CLIP1: variants seen among roughly 807,000 people sequenced by gnomAD.
The protein encoded by CLIP1 is CAP-Gly domain containing linker protein 1, also known as CAP-Gly domain-containing linker protein 1.
In CLIP1, 66 loss-of-function variants were observed where a neutral mutation model predicts 161.6. The observed-to-expected ratio is 0.41, with a 90% CI of 0.33 to 0.50. CLIP1 has a LOEUF of 0.50. Among genes scored for constraint, CLIP1 ranks in the 20% least tolerant of loss-of-function variants. The pLI, the probability that CLIP1 is intolerant of heterozygous loss-of-function variation, is 0.27. For synonymous variants in CLIP1, 598 were observed against 626.2 expected, an observed-to-expected ratio of 0.96 and a Z score of 0.67; for missense variants, 1,376 against 1,702.0, an observed-to-expected ratio of 0.81 and a Z score of 3.37.
intron 1 of CLIP1, among the ~76,000 whole-genome samples, chr12:122,408,277 G>C (rs1956403074): frequency 6.6e-6 from 1 of 150,762 alleles, no homozygotes. Context: ...AAATGAGCAA[G>C]TTTAATAGTT....
chr12:122,278,818 TTTTC>T lies in CLIP1; in HGVS notation c.3886_3889del (p.Glu1296ThrfsTer30). The T allele has an allele frequency of 6.2e-7, 1 of 1,606,624 alleles. No homozygotes were observed. The highest frequency in any genetic ancestry group is 8.5e-7 in the Non-Finnish European group (1 of 1,177,120). On this transcript the variant is annotated frameshift_variant, in exon 23 of 26. Coordinates refer to ENST00000620786, the MANE Select transcript of CLIP1 (RefSeq NM_001247997.2). LOFTEE classifies it high-confidence loss of function. ...TGAGGAGCTGCTGAGCTGCCTCTTGTTTTCTTTGAGTTGAAGCTCCAAGTTCTTT... is the reference window on the plus strand; with the variant it reads ...TGAGGAGCTGCTGAGCTGCCTCTTGTTTTGAGTTGAAGCTCCAAGTTCTTT...
chr12:122,365,352 T>C, intron 3 of CLIP1: 1 of 976,744 alleles, frequency 1.0e-6, no homozygotes, highest in Non-Finnish European at 1.6e-6. Context: ...AAGTCTACAA[T>C]GTTACCCAGC....
At chr12:122,377,367 C>T in intron 3 of CLIP1, 22 bp downstream of exon 3, 1 of 1,592,068 alleles carries the variant, frequency 6.3e-7, no homozygotes, top group Non-Finnish European at 8.6e-7. Context: ...ATGAAATGAC[C>T]TCAGAATGTT....
intron 20 of CLIP1, among the ~76,000 whole-genome samples, chr12:122,302,528 T>C (rs1950723618): frequency 6.6e-6 from 1 of 152,224 alleles, no homozygotes; most frequent in African/African-American, 2.4e-5. Context: ...CTCTCTTTTC[T>C]TTTTGCGGAT....
chr12:122,394,598 A>T (rs2137011334), intron 1 of CLIP1, among the ~76,000 whole-genome samples: 1 of 151,962 alleles, frequency 6.6e-6, no homozygotes, highest in East Asian at 1.9e-4. Flanking sequence ...TAAAGGGACA[A>T]TCCTTTAGGC....
At position 122,322,281 on chromosome 12, in the gene CLIP1, C is replaced by T. The variant is rs1215326908; in HGVS notation, c.3250-2933G>A. ...TTCTGAAGGATGAAGTAGCTTTCTG[C>T]CAGGGTTTCCTTCTCCTTCAGGAGC... On this transcript the variant is annotated intron_variant, in intron 17 of 25. Transcript: ENST00000620786. The T allele has an allele frequency of 2.0e-5, 3 of 152,592 alleles. No homozygotes were observed. The East Asian group carries it at 5.8e-4, about 29-fold the overall frequency. 9.5% of individuals were successfully genotyped at this position (152,592 alleles called of 1,614,324 possible).
intron 10 of CLIP1, chr12:122,342,020 G>A (rs531051672): frequency 1.7e-4 from 29 of 168,440 alleles, no homozygotes; most frequent in Non-Finnish European, 2.9e-4. Flanking sequence ...CTGACCTCAG[G>A]TGATCCACTC....
At chr12:122,306,593 A>AG (rs1950883664) in intron 20 of CLIP1, among the ~76,000 whole-genome samples, 1 of 152,168 alleles carries the variant, frequency 6.6e-6, no homozygotes, top group East Asian at 1.9e-4. Context: ...CTGACCACAA[A>AG]GGGGCAGCAG....
At chr12:122,362,973 T>C (rs1953945223) in intron 4 of CLIP1, among the ~76,000 whole-genome samples, 1 of 152,172 alleles carries the variant, frequency 6.6e-6, no homozygotes, top group Admixed American at 6.5e-5. Flanking sequence ...ATCTGGTAGA[T>C]AAAGCCCTTT....
At chr12:122,386,750 A>C (rs115757593) in intron 1 of CLIP1, among the ~76,000 whole-genome samples, 2,040 of 151,940 alleles carry the variant, frequency 0.013, 48 homozygotes, top group African/African-American at 0.041. Flanking sequence ...CTGTAATCCC[A>C]AGACTTTGAG....
chr12:122,282,306 C>T (rs779281196), intron 21 of CLIP1, among the ~76,000 whole-genome samples: 57 of 152,124 alleles, frequency 3.7e-4, no homozygotes, highest in Non-Finnish European at 7.4e-4. Flanking sequence ...ACATTACTGA[C>T]GTCTGAGTCA....
rs3782154 is a variant in CLIP1, at chr12:122,311,997, C to G, written c.3474-2115G>C. Among the ~76,000 whole-genome samples the G allele has an allele frequency of 0.53, 80,515 of 151,988 alleles. 24,291 individuals are homozygous for G. The highest frequency in any genetic ancestry group is 0.67 in the Non-Finnish European group (45,485 of 67,984). On this transcript the variant is annotated intron_variant, in intron 19 of 25. Transcript: ENST00000620786. The surrounding 1 kb of genome is among the most constrained non-coding windows in gnomAD (Gnocchi z 4.3). ...GAATCCATTTCATAGAGGAAAGAGGCTCCAATAACCCAAATTCTGGAAATA... is the reference window on the plus strand; with the variant it reads ...GAATCCATTTCATAGAGGAAAGAGGGTCCAATAACCCAAATTCTGGAAATA...
At chr12:122,320,241 T>TA (rs1951438153) in intron 17 of CLIP1, among the ~76,000 whole-genome samples, 1 of 144,614 alleles carries the variant, frequency 6.9e-6, no homozygotes, top group African/African-American at 2.6e-5. Flanking sequence ...CACTCCAGCC[T>TA]GGCGACACAG....
At chr12:122,318,544 C>CAACAA (rs1566109983) in intron 18 of CLIP1, among the ~76,000 whole-genome samples, 1 of 152,150 alleles carries the variant, frequency 6.6e-6, no homozygotes, top group African/African-American at 2.4e-5. Context: ...AAAACAACAA[C>CAACAA]AACAAAACAA....
intron 20 of CLIP1, among the ~76,000 whole-genome samples, chr12:122,294,172 C>CA (rs1294705953): frequency 4.0e-5 from 6 of 150,376 alleles, no homozygotes; most frequent in African/African-American, 7.3e-5. Context: ...ACTAAAAATA[C>CA]AAAAAAATTA....
At chr12:122,284,508 G>A (rs539699673) in intron 21 of CLIP1, among the ~76,000 whole-genome samples, 53 of 151,596 alleles carry the variant, frequency 3.5e-4, no homozygotes, top group Non-Finnish European at 5.5e-4. Flanking sequence ...GCCCGCCACC[G>A]TGCCCGGCTA....
chr12:122,360,924 G>T, intron 5 of CLIP1, 35 bp downstream of exon 5: 1 of 1,548,690 alleles, frequency 6.5e-7, no homozygotes, highest in African/African-American at 1.4e-5. Flanking sequence ...ATCCTGCCTG[G>T]GAAGTGGAGG....
At chr12:122,351,752 TC>T (rs949518027) in intron 8 of CLIP1, among the ~76,000 whole-genome samples, 13 of 152,328 alleles carry the variant, frequency 8.5e-5, no homozygotes, top group African/African-American at 3.1e-4. Context: ...TTTACATTTG[TC>T]ATATATCTAG....
intron 20 of CLIP1, among the ~76,000 whole-genome samples, chr12:122,302,743 G>A (rs967705129): frequency 1.3e-5 from 2 of 151,632 alleles, no homozygotes; most frequent in African/African-American, 2.4e-5. Context: ...ATTACAGGCA[G>A]GCACCACCAC....
Sources: allele counts gnomAD v4.1 joint callset (sites outside exome capture counted in the v4.1 genomes callset), GRCh38; gene constraint gnomAD v4.1.1; non-coding constraint Gnocchi (gnomAD v3.1); transcripts MANE v1.5; gene names NCBI Gene and HGNC (gene_info 2026-07-23, HGNC 2026-07-21).